COL25A1: variants seen among roughly 807,000 people sequenced by gnomAD.
The protein encoded by COL25A1 is collagen type XXV alpha 1 chain, also known as collagen alpha-1(XXV) chain.
Under a neutral mutation model 128.4 loss-of-function variants are expected in COL25A1, and 103 were observed. That is an observed-to-expected ratio of 0.80 (90% confidence interval 0.68 to 0.94). The LOEUF is 0.94. Ranked by LOEUF, COL25A1 falls within the 40% of genes least tolerant of loss-of-function variation. COL25A1 has a pLI of 0.00. For missense variants in COL25A1, 745 were observed against 840.0 expected (o/e 0.89, Z 1.40); for synonymous variants, 279 against 277.2 (o/e 1.01, Z -0.06).
chr4:109,070,126 T>C (rs1762797252), intron 3 of COL25A1, among the ~76,000 whole-genome samples: 1 of 151,456 alleles, frequency 6.6e-6, no homozygotes, highest in East Asian at 2.0e-4. Context: ...GGGCATGGGG[T>C]GTATGCCTCT....
chr4:108,890,681 G>T (rs975011916), intron 16 of COL25A1, among the ~76,000 whole-genome samples: 2 of 152,210 alleles, frequency 1.3e-5, no homozygotes, highest in Admixed American at 1.3e-4. Context: ...AACAGCCACA[G>T]GAGGGAGGCA....
chr4:108,902,091 T>C (rs942955694), intron 13 of COL25A1, among the ~76,000 whole-genome samples: 5 of 152,054 alleles, frequency 3.3e-5, no homozygotes, highest in Non-Finnish European at 7.4e-5. Flanking sequence ...TTTTAAAAAA[T>C]AGACTTTATT....
intron 3 of COL25A1, among the ~76,000 whole-genome samples, chr4:109,165,490 A>C (rs1223956822): frequency 1.3e-5 from 2 of 152,276 alleles, no homozygotes; most frequent in East Asian, 3.9e-4. Flanking sequence ...CTGAGTCAGG[A>C]GGCTCACTGG....
chr4:109,109,502 G>A (rs140614910), intron 3 of COL25A1, among the ~76,000 whole-genome samples: 1 of 152,230 alleles, frequency 6.6e-6, no homozygotes, highest in African/African-American at 2.4e-5. Context: ...TAAAGTGCTG[G>A]GATTACAGGT....
chr4:109,273,932 C>T (rs932773644), intron 3 of COL25A1, among the ~76,000 whole-genome samples: 1 of 152,116 alleles, frequency 6.6e-6, no homozygotes. Flanking sequence ...TTTAAATACA[C>T]CAAGTTGTTA....
intron 3 of COL25A1, among the ~76,000 whole-genome samples, chr4:109,160,469 A>C (rs868587666): frequency 2.0e-5 from 3 of 152,214 alleles, no homozygotes; most frequent in South Asian, 4.1e-4. Flanking sequence ...CATTATTGCA[A>C]GTTTTTGTTT....
At chr4:109,243,499 A>G (rs1192781243) in intron 3 of COL25A1, among the ~76,000 whole-genome samples, 1 of 152,016 alleles carries the variant, frequency 6.6e-6, no homozygotes, top group Admixed American at 6.6e-5. Context: ...GAAGAGCCAC[A>G]AAGATAATTA....
intron 6 of COL25A1, among the ~76,000 whole-genome samples, chr4:108,983,428 T>C (rs1753237478): frequency 1.3e-5 from 2 of 152,202 alleles, no homozygotes; most frequent in African/African-American, 4.8e-5. Context: ...TCTATAATTA[T>C]CGATTTCAGC....
At chr4:108,998,163 T>C (rs909568710) in intron 6 of COL25A1, among the ~76,000 whole-genome samples, 1 of 152,110 alleles carries the variant, frequency 6.6e-6, no homozygotes, top group Non-Finnish European at 1.5e-5. Flanking sequence ...GGTTTTGAAT[T>C]AGGAAAAGAG....
At chr4:108,964,596 T>A (rs1292829160) in intron 8 of COL25A1, among the ~76,000 whole-genome samples, 2 of 152,080 alleles carry the variant, frequency 1.3e-5, no homozygotes, top group African/African-American at 4.8e-5. Flanking sequence ...GCCCAGCCAT[T>A]CAACCACTAA....
intron 31 of COL25A1, chr4:108,834,362 C>T (rs1235329255): frequency 6.4e-7 from 1 of 1,550,532 alleles, no homozygotes; most frequent in Admixed American, 2.0e-5. Context: ...CACCCGGGAT[C>T]CTGGCTTTCC....
chr4:109,221,407 T>C lies in COL25A1; in HGVS notation c.367+79176A>G, dbSNP rs151256831. The stretch of plus-strand genomic sequence containing the variant: ...AAAATCTATACCTGTAGGAATTACA[T>C]CCAGTCATTAAACTTGTTTGAAATA... On this transcript the variant is annotated intron_variant, in intron 3 of 37. Coordinates refer to ENST00000399132, the MANE Select transcript of COL25A1 (RefSeq NM_198721.4). Among the ~76,000 whole-genome samples, 273 of 152,308 alleles carry C rather than the reference T, an allele frequency of 1.8e-3. 1 individual carries two copies. Among genetic ancestry groups the C allele is most frequent in the African/African-American group, 6.3e-3 (260 of 41,582 alleles).
At chr4:109,101,743 T>G (rs1560694255) in intron 3 of COL25A1, among the ~76,000 whole-genome samples, 1 of 152,182 alleles carries the variant, frequency 6.6e-6, no homozygotes, top group Non-Finnish European at 1.5e-5. Flanking sequence ...AGCATGGAAG[T>G]AGACAAAGCA....
At chr4:108,854,957 T>G (rs892267862) in intron 24 of COL25A1, among the ~76,000 whole-genome samples, 2 of 152,184 alleles carry the variant, frequency 1.3e-5, no homozygotes, top group African/African-American at 4.8e-5. Flanking sequence ...ACATAATTCC[T>G]GATCCATGAA....
chr4:109,056,928 T>C (rs1023451884), intron 3 of COL25A1, among the ~76,000 whole-genome samples: 15 of 152,190 alleles, frequency 9.9e-5, no homozygotes, highest in African/African-American at 3.1e-4. Context: ...GTGGTGATAA[T>C]AGCTCACTGT....
chr4:108,818,002 A>G (rs976375136), intron 36 of COL25A1, among the ~76,000 whole-genome samples: 7 of 152,188 alleles, frequency 4.6e-5, no homozygotes, highest in Non-Finnish European at 7.4e-5. Context: ...TTATGATAAA[A>G]TATTATCTAC....
chr4:108,994,256 A>G (rs1754521294), intron 6 of COL25A1, among the ~76,000 whole-genome samples: 1 of 152,176 alleles, frequency 6.6e-6, no homozygotes, highest in Admixed American at 6.5e-5. Flanking sequence ...CTGACCAAAT[A>G]GTGTACTTTT....
rs371299399 is a variant in COL25A1 at position 109,223,557 on chromosome 4, A to C, written c.367+77026T>G. On this transcript the variant is annotated intron_variant, in intron 3 of 37. Transcript: ENST00000399132. ...CCAAGTCAGAAAAGAGTTCTGAAAG[A>C]AAGTGAGTGGGGACATCTCCCCCAC... 2.8e-4 allele frequency among the ~76,000 whole-genome samples: 42 copies of C among 152,264 alleles called. No homozygotes were observed. The East Asian group carries it at 6.4e-3, about 23-fold the overall frequency.
intron 8 of COL25A1, 27 bp downstream of exon 8, chr4:108,974,340 G>A (rs570474874): frequency 1.3e-4 from 212 of 1,611,644 alleles, no homozygotes; most frequent in Admixed American, 3.7e-4. Flanking sequence ...CTAATTTTCC[G>A]CCCAAGATAG....
Sources: gnomAD v4.1 joint callset for allele counts (sites outside exome capture counted in the v4.1 genomes callset) on GRCh38, gnomAD v4.1.1 for gene constraint, MANE v1.5 for transcripts, NCBI Gene and HGNC (gene_info 2026-07-23, HGNC 2026-07-21) for gene names.